Variants in ADAMTS8 observed in about 807,000 individuals in gnomAD.
The protein encoded by ADAMTS8 is A disintegrin and metalloproteinase with thrombospondin motifs 8.
In ADAMTS8, 50 loss-of-function variants were observed where a neutral mutation model predicts 64.4. The ratio of observed to expected loss-of-function variants is 0.78; its 90% CI spans 0.62 to 0.98. The LOEUF is 0.98. Ranked by LOEUF, ADAMTS8 falls within the 50% of genes least tolerant of loss-of-function variation. The pLI is 0.00. For synonymous variants in ADAMTS8, 556 were observed against 533.6 expected, an observed-to-expected ratio of 1.04 and a Z score of -0.58; for missense variants, 1,192 against 1,208.2, an observed-to-expected ratio of 0.99 and a Z score of 0.20.
At chr11:130,413,257 C>T (rs962690820) in intron 5 of ADAMTS8, among the ~76,000 whole-genome samples, 4 of 152,216 alleles carry the variant, frequency 2.6e-5, no homozygotes, top group African/African-American at 9.6e-5. Flanking sequence ...GCACTTAGCT[C>T]GGCTGTGCTC....
intron 8 of ADAMTS8, 97 bp downstream of exon 8, chr11:130,408,367 A>G: frequency 7.0e-7 from 1 of 1,436,296 alleles, no homozygotes; most frequent in African/African-American, 1.4e-5. Flanking sequence ...CCTCACAGCT[A>G]TTAAGTAGCA....
At position 130,428,512 on chromosome 11, in the gene ADAMTS8, G is replaced by C. The variant is rs1306679778; in HGVS notation, c.-226C>G. The C allele has an allele frequency of 2.2e-5, 21 of 935,974 alleles. No individual in the cohort carries two copies. The highest frequency in any genetic ancestry group is 2.7e-5 in the Non-Finnish European group (21 of 785,472). The allele number at this position is 935,974 out of a possible 1,614,324, so 58.0% of individuals were successfully genotyped here. A position where few individuals can be genotyped will look rare whatever the true frequency, so the allele number is the denominator to read the frequency against. On this transcript the variant is annotated 5_prime_UTR_variant, in exon 1 of 9. Transcript: ENST00000257359. ...GCGCCGCCGCCCCCGAGCCGAGCGC[G>C]AGCAGCTGGCCCCGGCCCGCGTGCG...
chr11:130,416,327 T>A lies in ADAMTS8; in HGVS notation c.1100A>T (p.His367Leu). The A allele has an allele frequency of 6.4e-7, 1 of 1,560,222 alleles. No homozygotes were observed. Among genetic ancestry groups the A allele is most frequent in the Non-Finnish European group, 8.7e-7 (1 of 1,152,620 alleles). The change falls in exon 4 of 9, where the codon CAC becomes CTC. Residue 367 changes from histidine (H) to leucine (L), a missense_variant. Transcript: ENST00000257359. The surrounding 1 kb of genome is among the most constrained non-coding windows in gnomAD (Gnocchi z 4.8). Reference protein sequence around the residue: ...AAHTLAHELGHVLSMPHDDSK... With the variant: ...AAHTLAHELGLVLSMPHDDSK... The stretch of plus-strand genomic sequence containing the variant: ...GTCGTCGTGGGGCATGCTGAGGACG[T>A]GCCCTGGGGAGAGAGGCCTGGTCCA...
rs114083527 is a variant in ADAMTS8 at position 130,416,256 on chromosome 11, C to T, written c.1171G>A (p.Val391Met). ...AGGTGGACGAACAGCGGTGCCATCA[C>T]GTGGTGCTTGCCCATGGGCCCGAAG... Reference protein sequence around the residue: ...RLFGPMGKHHVMAPLFVHLNQ... With the variant: ...RLFGPMGKHHMMAPLFVHLNQ... The change falls in exon 4 of 9, where the codon GTG (valine) becomes ATG (methionine). Residue 391 changes from valine to methionine, a missense_variant. Physicochemically the swap from Val to Met is conservative, Grantham distance 21. This residue lies in a region of ADAMTS8 where 741 missense variants were observed against 710.6 expected (regional missense o/e 1.04). Coordinates refer to ENST00000257359, the MANE Select transcript of ADAMTS8 (RefSeq NM_007037.6). The surrounding 1 kb of genome is among the most constrained non-coding windows in gnomAD (Gnocchi z 4.8). The T allele has an allele frequency of 5.3e-4, 838 of 1,584,518 alleles. 4 individuals are homozygous for T. In the African/African-American group the frequency reaches 0.01, roughly 19 times the overall value.
At chr11:130,423,829 G>A (rs1410012846) in intron 1 of ADAMTS8, among the ~76,000 whole-genome samples, 1 of 152,204 alleles carries the variant, frequency 6.6e-6, no homozygotes, top group Non-Finnish European at 1.5e-5. Flanking sequence ...AGCAGCAGCT[G>A]GACGTAGACA....
At chr11:130,406,311 C>T (rs993164840) in intron 8 of ADAMTS8, among the ~76,000 whole-genome samples, 183 bp from the exon 9 acceptor site, 30 of 152,184 alleles carry the variant, frequency 2.0e-4, no homozygotes, top group African/African-American at 6.3e-4. Flanking sequence ...AATGTCTGTA[C>T]ATTGGGATTT....
chr11:130,407,888 G>C (rs1052417346), intron 8 of ADAMTS8, among the ~76,000 whole-genome samples: 5 of 152,172 alleles, frequency 3.3e-5, no homozygotes, highest in African/African-American at 1.2e-4. Flanking sequence ...CAAATCAAAT[G>C]AGACCATGGA....
rs1293328757 is a variant in ADAMTS8, at chr11:130,416,227, G to C, written c.1200C>G (p.Asn400Lys). The C allele has an allele frequency of 6.3e-7, 1 of 1,594,940 alleles. No individual in the cohort carries two copies. The highest frequency in any genetic ancestry group is 2.3e-5 in the East Asian group (1 of 43,870). ...TGCAGGGGGACCAGGGCAGCGTCTG[G>C]TTCAGGTGGACGAACAGCGGTGCCA... Reference protein sequence around the residue: ...HVMAPLFVHLNQTLPWSPCSA... With the variant: ...HVMAPLFVHLKQTLPWSPCSA... The change falls in exon 4 of 9, where the codon AAC becomes AAG. Residue 400 changes from asparagine to lysine, a missense_variant. This residue lies in a region of ADAMTS8 where 741 missense variants were observed against 710.6 expected (regional missense o/e 1.04). Coordinates refer to ENST00000257359, the MANE Select transcript of ADAMTS8 (RefSeq NM_007037.6). This position sits in a 1 kb window ranked among gnomAD's most constrained non-coding sequence, Gnocchi z 4.8.
intron 1 of ADAMTS8, among the ~76,000 whole-genome samples, chr11:130,421,663 A>G (rs1862100683): frequency 6.6e-6 from 1 of 152,158 alleles, no homozygotes; most frequent in Non-Finnish European, 1.5e-5. Flanking sequence ...AAATGACCAG[A>G]GGAATGCCTT....
rs1167759584 is a variant in ADAMTS8 at position 130,405,651 on chromosome 11, G to C, written c.2577C>G (p.Cys859Trp). 4 of 1,614,076 alleles carry C rather than the reference G, an allele frequency of 2.5e-6. No individual in the cohort carries two copies. The highest frequency in any genetic ancestry group is 3.4e-6 in the Non-Finnish European group (4 of 1,180,016). Residue 859 changes from cysteine to tryptophan, a missense_variant, in exon 9 of 9, where the codon TGC becomes TGG. Transcript: ENST00000257359. Reference protein sequence around the residue: ...GAGWQRRTVECRDPSGQASAT... With the variant: ...GAGWQRRTVEWRDPSGQASAT... ...CAGAGGCCTGGCCGGAGGGGTCCCT[G>C]CACTCTACAGTTCGCCTCTGCCAGC...
intron 1 of ADAMTS8, among the ~76,000 whole-genome samples, chr11:130,425,819 T>C (rs1296065390): frequency 6.6e-6 from 1 of 152,062 alleles, no homozygotes; most frequent in Non-Finnish European, 1.5e-5. Context: ...GCCAGGATGG[T>C]CTTGATCTCC....
rs754808172 is a variant in ADAMTS8 at position 130,416,151 on chromosome 11, G to T, written c.1264+12C>A. ...CCACGGGGACAAGTAGGGCGGGGCC[G>T]CCGGTGCCTACCGTGCCCGCCGTCC... On this transcript the variant is annotated intron_variant, in intron 4 of 8. Coordinates refer to ENST00000257359, the MANE Select transcript of ADAMTS8 (RefSeq NM_007037.6). This position sits in a 1 kb window ranked among gnomAD's most constrained non-coding sequence, Gnocchi z 4.8. 2.5e-5 allele frequency: 39 copies of T among 1,561,314 alleles called. No homozygotes were observed. The highest frequency in any genetic ancestry group is 3.3e-5 in the Non-Finnish European group (38 of 1,151,932).
intron 1 of ADAMTS8, among the ~76,000 whole-genome samples, chr11:130,423,114 C>G (rs1862121276): frequency 6.6e-6 from 1 of 152,212 alleles, no homozygotes; most frequent in Non-Finnish European, 1.5e-5. Flanking sequence ...TAACTGCCAC[C>G]CATCTTTGCT....
chr11:130,408,269 G>A (rs1037869027), intron 8 of ADAMTS8, among the ~76,000 whole-genome samples, 195 bp downstream of exon 8: 2 of 151,086 alleles, frequency 1.3e-5, no homozygotes, highest in Admixed American at 1.3e-4. Context: ...CCCATCTCAG[G>A]AAATCCTTAC....
intron 6 of ADAMTS8, among the ~76,000 whole-genome samples, chr11:130,409,314 C>T (rs868521998): frequency 3.3e-5 from 5 of 152,168 alleles, no homozygotes; most frequent in Middle Eastern, 3.2e-3. Flanking sequence ...TGTGCAGTAT[C>T]GATTTCCTCA....
At position 130,416,231 on chromosome 11, in the gene ADAMTS8, A is replaced by G. The variant is rs1216553689; in HGVS notation, c.1196T>C (p.Leu399Pro). ...GGGGGACCAGGGCAGCGTCTGGTTC[A>G]GGTGGACGAACAGCGGTGCCATCAC... is the stretch of plus-strand genomic sequence containing the variant. Reference protein sequence around the residue: ...HHVMAPLFVHLNQTLPWSPCS... With the variant: ...HHVMAPLFVHPNQTLPWSPCS... The change falls in exon 4 of 9, where the codon CTG becomes CCG. Residue 399 changes from leucine (L) to proline (P), a missense_variant. By Grantham distance (98) the Leu-to-Pro change is moderately conservative. Coordinates refer to ENST00000257359, the MANE Select transcript of ADAMTS8 (RefSeq NM_007037.6). The surrounding 1 kb of genome is among the most constrained non-coding windows in gnomAD (Gnocchi z 4.8). 1.9e-6 allele frequency: 3 copies of G among 1,593,586 alleles called. No individual in the cohort carries two copies. Among genetic ancestry groups the G allele is most frequent in the Non-Finnish European group, 2.6e-6 (3 of 1,170,742 alleles).
intron 1 of ADAMTS8, among the ~76,000 whole-genome samples, chr11:130,422,579 G>A (rs528866147): frequency 3.9e-5 from 6 of 152,346 alleles, no homozygotes; most frequent in Admixed American, 3.3e-4. Context: ...TCTAGGGCCT[G>A]AGACTGAGCT....
chr11:130,407,520 G>A (rs550453575), intron 8 of ADAMTS8, among the ~76,000 whole-genome samples: 3 of 152,162 alleles, frequency 2.0e-5, no homozygotes, highest in East Asian at 1.9e-4. Context: ...CAGGGTTTGC[G>A]AGCTTCACTA....
chr11:130,428,370 G>A lies in ADAMTS8; in HGVS notation c.-84C>T. The stretch of plus-strand genomic sequence containing the variant: ...GTGCTGGCGGCCCGAGCGCGGCCCG[G>A]CCGCTCTCTCCAGGAAAAGCGGAAT... On this transcript the variant is annotated 5_prime_UTR_variant, in exon 1 of 9. Transcript: ENST00000257359. 2.5e-6 allele frequency: 3 copies of A among 1,216,880 alleles called. No homozygotes were observed. The highest frequency in any genetic ancestry group is 1.6e-5 in the African/African-American group (1 of 62,032). 75.4% of individuals were successfully genotyped at this position (1,216,880 alleles called of 1,614,324 possible).
Sources: allele counts gnomAD v4.1 joint callset (sites outside exome capture counted in the v4.1 genomes callset), GRCh38; gene constraint gnomAD v4.1.1; regional missense constraint gnomAD v4.1.1; non-coding constraint Gnocchi (gnomAD v3.1); transcripts MANE v1.5; gene names NCBI Gene and HGNC (gene_info 2026-07-23, HGNC 2026-07-21).